The following CDKAL1 variants were observed in gnomAD, a reference collection of about 807,000 sequenced individuals.
CDKAL1 encodes threonylcarbamoyladenosine tRNA methylthiotransferase.
CDKAL1 carries 32 observed loss-of-function variants against 68.2 expected under a neutral mutation model. The ratio of observed to expected loss-of-function variants is 0.47; its 90% CI spans 0.35 to 0.63. The LOEUF is 0.63. Among genes scored for constraint, CDKAL1 ranks in the 30% least tolerant of loss-of-function variants. CDKAL1 has a pLI of 0.00. For synonymous variants in CDKAL1, 234 were observed against 244.3 expected, an observed-to-expected ratio of 0.96 and a Z score of 0.39; for missense variants, 606 against 696.7, an observed-to-expected ratio of 0.87 and a Z score of 1.47.
At chr6:21,135,889 G>A (rs2446489) in intron 13 of CDKAL1, 48,390 of 153,780 alleles carry the variant, frequency 0.31, 8,296 homozygotes, top group Admixed American at 0.41. Context: ...CCCTCCACGA[G>A]TCGTCAGTAG....
At chr6:20,837,690 A>T (rs1274922070) in intron 8 of CDKAL1, among the ~76,000 whole-genome samples, 1 of 151,834 alleles carries the variant, frequency 6.6e-6, no homozygotes, top group Non-Finnish European at 1.5e-5. Flanking sequence ...TTAACTATTA[A>T]TCTGCAGAAA....
At chr6:21,202,692 G>A (rs1212316761) in intron 15 of CDKAL1, among the ~76,000 whole-genome samples, 1 of 152,174 alleles carries the variant, frequency 6.6e-6, no homozygotes, top group African/African-American at 2.4e-5. Flanking sequence ...TTGCCTCTTG[G>A]AAAGGGAGTA....
intron 11 of CDKAL1, among the ~76,000 whole-genome samples, chr6:21,046,358 A>C (rs1341896901): frequency 6.6e-6 from 1 of 152,218 alleles, no homozygotes; most frequent in Non-Finnish European, 1.5e-5. Context: ...ACCAGCATTC[A>C]AGCCATACCC....
intron 13 of CDKAL1, among the ~76,000 whole-genome samples, chr6:21,170,170 A>G (rs1777322520): frequency 6.6e-6 from 1 of 152,224 alleles, no homozygotes. Flanking sequence ...GAAGCATGGC[A>G]CCTGAGATGG....
At chr6:21,040,488 G>A (rs909165899) in intron 11 of CDKAL1, among the ~76,000 whole-genome samples, 1 of 151,892 alleles carries the variant, frequency 6.6e-6, no homozygotes, top group Non-Finnish European at 1.5e-5. Context: ...AGATCAGAAA[G>A]GGGTAAATAA....
chr6:21,036,836 A>G (rs928251725), intron 11 of CDKAL1, among the ~76,000 whole-genome samples: 1 of 152,206 alleles, frequency 6.6e-6, no homozygotes, highest in African/African-American at 2.4e-5. Flanking sequence ...ACATCTGTCA[A>G]TTCATCAAAG....
At chr6:20,589,435 T>C (rs963819748) in intron 4 of CDKAL1, among the ~76,000 whole-genome samples, 2 of 152,234 alleles carry the variant, frequency 1.3e-5, no homozygotes, top group African/African-American at 4.8e-5. Context: ...CTAGTCTTGC[T>C]GAAAGCCAAT....
chr6:21,204,084 A>G (rs1778803198), intron 15 of CDKAL1, among the ~76,000 whole-genome samples: 1 of 152,212 alleles, frequency 6.6e-6, no homozygotes, highest in African/African-American at 2.4e-5. Flanking sequence ...AAAACTGTAG[A>G]TAGACAGGAC....
chr6:21,198,250 A>G lies in CDKAL1; in HGVS notation c.1383+146A>G, dbSNP rs973906482. The G allele has an allele frequency of 3.9e-5, 22 of 569,192 alleles. No homozygotes were observed. The Admixed American group carries it at 7.5e-4, about 19-fold the overall frequency. The allele number at this position is 569,192 out of a possible 1,614,324, so 35.3% of individuals were successfully genotyped here. A position where few individuals can be genotyped will look rare whatever the true frequency, so the allele number is the denominator to read the frequency against. ...CTTCAAGCCAGCCAGGCTAACATGG[A>G]CTTTATCTTTGTGACTTACTCTACA... On this transcript the variant is annotated intron_variant, in intron 14 of 15. Transcript: ENST00000274695.
intron 4 of CDKAL1, among the ~76,000 whole-genome samples, chr6:20,553,850 G>A (rs1029354269): frequency 6.6e-6 from 1 of 151,704 alleles, no homozygotes; most frequent in Non-Finnish European, 1.5e-5. Context: ...GGCCTCAAGC[G>A]GTCTGCCCAC....
At position 20,866,980 on chromosome 6, in the gene CDKAL1, T is replaced by A. The variant is rs114356300; in HGVS notation, c.742+20802T>A. Among the ~76,000 whole-genome samples, 545 of 152,342 alleles carry A rather than the reference T, an allele frequency of 3.6e-3. 4 individuals carry two copies. The highest frequency in any genetic ancestry group is 0.011 in the African/African-American group (478 of 41,586). On this transcript the variant is annotated intron_variant, in intron 9 of 15. Transcript: ENST00000274695. ...TAAAGCAAGCTGTATGTGACATTTA[T>A]TGGTGACTTATACAGTAGACCCTTA...
At chr6:20,748,057 A>G (rs1345416884) in intron 6 of CDKAL1, among the ~76,000 whole-genome samples, 1 of 152,218 alleles carries the variant, frequency 6.6e-6, no homozygotes, top group African/African-American at 2.4e-5. Flanking sequence ...AGTTTCTATC[A>G]AAATTCCAAT....
chr6:21,173,113 A>AT (rs1777453871), intron 13 of CDKAL1, among the ~76,000 whole-genome samples: 1 of 141,566 alleles, frequency 7.1e-6, no homozygotes, highest in East Asian at 2.0e-4. Flanking sequence ...TTCCTCCTTC[A>AT]CCTCCCCACA....
chr6:20,901,876 A>T (rs1022240042), intron 9 of CDKAL1, among the ~76,000 whole-genome samples: 1 of 151,716 alleles, frequency 6.6e-6, no homozygotes, highest in African/African-American at 2.4e-5. Context: ...TCCCGGGCTC[A>T]AGCAATTTTC....
At chr6:20,553,270 A>T (rs1434043590) in intron 4 of CDKAL1, among the ~76,000 whole-genome samples, 1 of 152,066 alleles carries the variant, frequency 6.6e-6, no homozygotes, top group Non-Finnish European at 1.5e-5. Context: ...AGCACTTAGG[A>T]GGCCGAGGTG....
chr6:20,698,738 G>A (rs373874941), intron 5 of CDKAL1, among the ~76,000 whole-genome samples: 4 of 152,124 alleles, frequency 2.6e-5, no homozygotes, highest in East Asian at 1.9e-4. Flanking sequence ...ATGGAGAGAC[G>A]GGAAGAGTAA....
intron 10 of CDKAL1, among the ~76,000 whole-genome samples, chr6:20,974,927 T>C (rs1765768560): frequency 7.4e-6 from 1 of 134,464 alleles, no homozygotes; most frequent in African/African-American, 2.9e-5. Context: ...TGCAGTCAAC[T>C]GAGATCTCAA....
chr6:20,771,548 T>C (rs1001715214), intron 7 of CDKAL1, among the ~76,000 whole-genome samples: 2 of 152,158 alleles, frequency 1.3e-5, no homozygotes, highest in Non-Finnish European at 2.9e-5. Context: ...CGAGGAGACT[T>C]GACATGTTCA....
chr6:20,696,003 A>G (rs751666049), intron 5 of CDKAL1, among the ~76,000 whole-genome samples: 5 of 152,190 alleles, frequency 3.3e-5, no homozygotes, highest in Non-Finnish European at 5.9e-5. Context: ...TGACTGTTCC[A>G]GATTCCTTTA....
Sources: allele counts gnomAD v4.1 joint callset (sites outside exome capture counted in the v4.1 genomes callset), GRCh38; gene constraint gnomAD v4.1.1; transcripts MANE v1.5; gene names NCBI Gene and HGNC (gene_info 2026-07-23, HGNC 2026-07-21).